The following PPA2 variants were observed in gnomAD, a reference collection of about 807,000 sequenced individuals.
PPA2 encodes the protein inorganic pyrophosphatase 2, mitochondrial.
PPA2 carries 48 observed loss-of-function variants against 49.5 expected under a neutral mutation model. The ratio of observed to expected loss-of-function variants is 0.97; its 90% CI spans 0.77 to 1.23. The LOEUF (loss-of-function observed/expected upper bound fraction) is 1.23. Ranked by LOEUF, PPA2 falls within the 50% of genes most tolerant of loss-of-function variation. The pLI, the probability that PPA2 is intolerant of heterozygous loss-of-function variation, is 0.00. For synonymous variants in PPA2, 131 were observed against 139.9 expected (o/e 0.94, Z 0.45); for missense variants, 429 against 410.1 (o/e 1.05, Z -0.40).
At chr4:105,399,429 G>A in intron 7 of PPA2, 1 of 263,844 alleles carries the variant, frequency 3.8e-6, no homozygotes. Context: ...GGAATAAATG[G>A]ATGGATACAA....
At chr4:105,404,191 A>T (rs1722351966) in intron 7 of PPA2, among the ~76,000 whole-genome samples, 1 of 151,898 alleles carries the variant, frequency 6.6e-6, no homozygotes, top group Non-Finnish European at 1.5e-5. Context: ...ACCAAAAACA[A>T]AGAAAATGTT....
intron 7 of PPA2, among the ~76,000 whole-genome samples, chr4:105,421,407 T>C (rs1460965243): frequency 1.3e-5 from 2 of 152,190 alleles, no homozygotes; most frequent in Non-Finnish European, 2.9e-5. Flanking sequence ...ACTTTTTTTA[T>C]ACTTCTGAGT....
chr4:105,432,499 G>GT (rs1445913526), intron 6 of PPA2, among the ~76,000 whole-genome samples: 1 of 152,084 alleles, frequency 6.6e-6, no homozygotes, highest in Non-Finnish European at 1.5e-5. Context: ...AATAATAAAA[G>GT]TTGAAATCAT....
At chr4:105,374,857 T>C (rs1048807702) in intron 10 of PPA2, among the ~76,000 whole-genome samples, 14 of 150,620 alleles carry the variant, frequency 9.3e-5, no homozygotes, top group Non-Finnish European at 1.9e-4. Flanking sequence ...TTTTCTTTTT[T>C]CTTTTTTTTT....
chr4:105,428,695 G>A (rs1004643430), intron 6 of PPA2, among the ~76,000 whole-genome samples: 14 of 152,058 alleles, frequency 9.2e-5, no homozygotes, highest in African/African-American at 2.9e-4. Context: ...GGGAGGGATA[G>A]CATTAGGAGA....
intron 6 of PPA2, among the ~76,000 whole-genome samples, chr4:105,427,246 C>A (rs1431309298): frequency 6.6e-6 from 1 of 152,132 alleles, no homozygotes; most frequent in African/African-American, 2.4e-5. Flanking sequence ...TGGGGAGAAA[C>A]CAGAGCAGAA....
At chr4:105,445,386 A>G (rs917191394) in intron 5 of PPA2, among the ~76,000 whole-genome samples, 1 of 152,186 alleles carries the variant, frequency 6.6e-6, no homozygotes, top group African/African-American at 2.4e-5. Context: ...AGGCATTCTC[A>G]TTCTTAGCAT....
intron 6 of PPA2, among the ~76,000 whole-genome samples, chr4:105,437,429 A>G (rs901497077): frequency 1.3e-5 from 2 of 152,174 alleles, no homozygotes; most frequent in Non-Finnish European, 2.9e-5. Flanking sequence ...AATCTCTGAA[A>G]TTGTGGATTT....
At chr4:105,386,664 TA>T in intron 9 of PPA2, 28 bp from the exon 10 acceptor site, 1 of 1,591,060 alleles carries the variant, frequency 6.3e-7, no homozygotes, top group Non-Finnish European at 8.6e-7. Context: ...ATGTTATTAT[TA>T]AACAGGATAA....
chr4:105,402,262 A>C (rs1327111015), intron 7 of PPA2, among the ~76,000 whole-genome samples: 1 of 152,110 alleles, frequency 6.6e-6, no homozygotes, highest in Admixed American at 6.6e-5. Flanking sequence ...AAAAAAGAAA[A>C]AAAAAATTAG....
At chr4:105,392,162 A>C (rs2636700) in intron 9 of PPA2, among the ~76,000 whole-genome samples, 1 of 151,992 alleles carries the variant, frequency 6.6e-6, no homozygotes, top group Non-Finnish European at 1.5e-5. Flanking sequence ...TCCCAGAATC[A>C]AGTTTAAAGT....
rs73836220 is a variant in PPA2, at chr4:105,460,460, C to A, written c.158-3715G>T. Among the ~76,000 whole-genome samples the A allele has an allele frequency of 3.9e-3, 588 of 152,196 alleles. 4 individuals carry two copies. Among genetic ancestry groups the A allele is most frequent in the African/African-American group, 0.012 (498 of 41,518 alleles). ...AAGGGGTTCTGGAACCAATCCCCTG[C>A]AAATACAGAGGGACAACTGTAATGT... On this transcript the variant is annotated intron_variant, in intron 1 of 11. Transcript: ENST00000341695.
chr4:105,437,982 C>T lies in PPA2; in HGVS notation c.496G>A (p.Asp166Asn). The change falls in exon 6 of 12, where the codon GAT becomes AAT. Residue 166 changes from aspartate (D) to asparagine (N), a missense_variant. Asp to Asn is a conservative substitution (Grantham distance 23, BLOSUM62 1). Coordinates refer to ENST00000341695, the MANE Select transcript of PPA2 (RefSeq NM_176869.3). The stretch of plus-strand genomic sequence containing the variant: ...CCTATTTCGCAAACATCAATAGGAT[C>T]ATTATCTCCAAAGCAGTTCGTGCTC... ...DKSTNCFGDN[D>N]PIDVCEIGSK... The T allele has an allele frequency of 6.2e-7, 1 of 1,609,636 alleles. No homozygotes were observed. The highest frequency in any genetic ancestry group is 1.1e-5 in the South Asian group (1 of 89,792).
At chr4:105,404,003 T>C (rs1182074596) in intron 7 of PPA2, among the ~76,000 whole-genome samples, 1 of 151,952 alleles carries the variant, frequency 6.6e-6, no homozygotes, top group African/African-American at 2.4e-5. Context: ...ACTTCAGAAT[T>C]AAACATACTT....
chr4:105,397,103 T>C (rs1260544873), intron 8 of PPA2, among the ~76,000 whole-genome samples: 1 of 152,188 alleles, frequency 6.6e-6, no homozygotes, highest in East Asian at 1.9e-4. Flanking sequence ...TTTAGAGTTT[T>C]TTCCCAAAAA....
chr4:105,383,943 T>G (rs1478683704), intron 10 of PPA2, among the ~76,000 whole-genome samples: 1 of 151,962 alleles, frequency 6.6e-6, no homozygotes, highest in Non-Finnish European at 1.5e-5. Context: ...TGTACAATAT[T>G]CAGTATACAG....
In PPA2 at chr4:105,397,181, G is replaced by A. The variant is rs534889748; in HGVS notation, c.784-847C>T. 5.9e-5 allele frequency among the ~76,000 whole-genome samples: 9 copies of A among 152,200 alleles called. No homozygotes were observed. The East Asian group carries it at 1.7e-3, about 29-fold the overall frequency. On this transcript the variant is annotated intron_variant, in intron 8 of 11. Transcript: ENST00000341695. ...CAAAGTAGCTCCTTTCTTCTTCAAT[G>A]ATAACTAAACTCATTATGATAATAA...
intron 9 of PPA2, among the ~76,000 whole-genome samples, chr4:105,390,569 GATC>G (rs1460539186): frequency 6.6e-6 from 1 of 152,178 alleles, no homozygotes; most frequent in Non-Finnish European, 1.5e-5. Context: ...CATCATCACT[GATC>G]ATTAGAGAAA....
intron 6 of PPA2, 31 bp downstream of exon 6, chr4:105,437,919 C>G: frequency 6.6e-7 from 1 of 1,521,716 alleles, no homozygotes; most frequent in Non-Finnish European, 8.8e-7. Flanking sequence ...CCAAAACTCA[C>G]GTTAGAATTA....
Sources: allele counts gnomAD v4.1 joint callset (sites outside exome capture counted in the v4.1 genomes callset), GRCh38; gene constraint gnomAD v4.1.1; transcripts MANE v1.5; gene names NCBI Gene and HGNC (gene_info 2026-07-23, HGNC 2026-07-21).